The following SLCO5A1 variants were observed in gnomAD, a reference collection of about 807,000 sequenced individuals.
The protein encoded by SLCO5A1 is organic anion transporter polypeptide-related protein 4.
SLCO5A1 carries 39 observed loss-of-function variants against 65.1 expected under a neutral mutation model. That is an observed-to-expected ratio of 0.60 (90% CI 0.46 to 0.78). SLCO5A1 has a LOEUF of 0.78. SLCO5A1 is among the 30% of genes least tolerant of loss of function. The probability of loss-of-function intolerance (pLI) is 0.00; values close to 1 mark genes in which losing one functional copy is unlikely to be tolerated. For missense variants in SLCO5A1, 1,029 were observed against 1,069.4 expected (o/e 0.96, Z 0.53); for synonymous variants, 438 against 415.7 (o/e 1.05, Z -0.65).
intron 5 of SLCO5A1, among the ~76,000 whole-genome samples, chr8:69,715,164 C>T (rs1047834564): frequency 1.3e-5 from 2 of 152,188 alleles, no homozygotes; most frequent in Admixed American, 1.3e-4. Flanking sequence ...ATGCAAAAAT[C>T]ACAGTATTTA....
At chr8:69,753,888 C>A (rs936730755) in intron 4 of SLCO5A1, among the ~76,000 whole-genome samples, 9 of 150,694 alleles carry the variant, frequency 6.0e-5, no homozygotes, top group African/African-American at 2.2e-4. Flanking sequence ...CGTGGGCGGG[C>A]GCCTGTAATG....
At chr8:69,790,803 A>T (rs1381126020) in intron 2 of SLCO5A1, among the ~76,000 whole-genome samples, 1 of 152,226 alleles carries the variant, frequency 6.6e-6, no homozygotes, top group Non-Finnish European at 1.5e-5. Context: ...CAGCAGTCAC[A>T]TGGGATTGGT....
At chr8:69,725,329 T>A (rs2130830358) in intron 5 of SLCO5A1, among the ~76,000 whole-genome samples, 1 of 152,202 alleles carries the variant, frequency 6.6e-6, no homozygotes, top group South Asian at 2.1e-4. Flanking sequence ...CAGTAAGAAG[T>A]TTCTGGGTTC....
chr8:69,686,556 C>T (rs960734063), intron 6 of SLCO5A1, among the ~76,000 whole-genome samples: 2 of 152,200 alleles, frequency 1.3e-5, no homozygotes, highest in Non-Finnish European at 2.9e-5. Flanking sequence ...ATTCATTCCC[C>T]ATGAGAATTG....
At position 69,759,555 on chromosome 8, in the gene SLCO5A1, C is replaced by A. The variant is rs78687345; in HGVS notation, c.1040+2188G>T. On this transcript the variant is annotated intron_variant, in intron 3 of 9. Coordinates refer to ENST00000260126, the MANE Select transcript of SLCO5A1 (RefSeq NM_030958.3). Reference sequence around the variant, plus strand: ...AAACTGAGGCACAGAGTAACTTCCCCAAGCTCACATAGGTATTAGGTGGCA... The same window carrying A: ...AAACTGAGGCACAGAGTAACTTCCCAAAGCTCACATAGGTATTAGGTGGCA... Among the ~76,000 whole-genome samples the A allele has an allele frequency of 9.2e-5, 14 of 152,300 alleles. No homozygotes were observed. The East Asian group carries it at 1.3e-3, about 15-fold the overall frequency.
intron 6 of SLCO5A1, among the ~76,000 whole-genome samples, chr8:69,688,564 T>C (rs1019226218): frequency 2.7e-4 from 40 of 146,736 alleles, no homozygotes; most frequent in East Asian, 8.4e-4. Flanking sequence ...TCAATTCCCA[T>C]CTATGAGTGA....
chr8:69,763,097 G>T (rs1174638411), intron 2 of SLCO5A1, among the ~76,000 whole-genome samples: 2 of 152,188 alleles, frequency 1.3e-5, no homozygotes, highest in Admixed American at 1.3e-4. Flanking sequence ...ATCACCTGAG[G>T]TCAGGAATTT....
intron 5 of SLCO5A1, among the ~76,000 whole-genome samples, chr8:69,721,875 T>C (rs967007395): frequency 7.2e-5 from 11 of 152,216 alleles, no homozygotes; most frequent in Non-Finnish European, 1.2e-4. Flanking sequence ...GATTAAAAGA[T>C]GAAATGTATT....
intron 2 of SLCO5A1, among the ~76,000 whole-genome samples, chr8:69,802,420 C>T (rs1228513647): frequency 6.6e-6 from 1 of 151,578 alleles, no homozygotes; most frequent in East Asian, 1.9e-4. Flanking sequence ...GTGGGAGGAT[C>T]GCTTGAACCC....
chr8:69,780,678 G>A (rs889949050), intron 2 of SLCO5A1, among the ~76,000 whole-genome samples: 6 of 152,116 alleles, frequency 3.9e-5, no homozygotes, highest in African/African-American at 1.4e-4. Flanking sequence ...GATGATGAGC[G>A]ATTACTTAAT....
chr8:69,693,487 T>C (rs1043006562), intron 6 of SLCO5A1, among the ~76,000 whole-genome samples: 4 of 152,342 alleles, frequency 2.6e-5, no homozygotes, highest in Non-Finnish European at 5.9e-5. Context: ...TGAATGGAAC[T>C]GGCTTATATA....
Position 69,673,174 on chromosome 8 carries a change from C to G in SLCO5A1, c.2242G>C (p.Val748Leu). 2 of 1,614,174 alleles carry G rather than the reference C, an allele frequency of 1.2e-6. No individual in the cohort carries two copies. The highest frequency in any genetic ancestry group is 1.3e-5 in the African/African-American group (1 of 75,062). The part of the protein sequence containing the change: ...YFGLAAGLKF[V>L]GFIFIFLAWY... ...GCCAGAAAAATAAAAATAAACCCAA[C>G]GAATTTGAGGCCGGCAGCCAAACCA... The change falls in exon 10 of 10, where the codon GTT becomes CTT. Residue 748 changes from valine (V) to leucine (L), a missense_variant. Physicochemically the swap from Val to Leu is conservative, Grantham distance 32. Coordinates refer to ENST00000260126, the MANE Select transcript of SLCO5A1 (RefSeq NM_030958.3).
chr8:69,799,532 A>G (rs1272848435), intron 2 of SLCO5A1, among the ~76,000 whole-genome samples: 1 of 152,178 alleles, frequency 6.6e-6, no homozygotes, highest in African/African-American at 2.4e-5. Flanking sequence ...CTTGATTCCT[A>G]TAAAGGTTGT....
At chr8:69,766,541 ATG>A (rs1818066316) in intron 2 of SLCO5A1, among the ~76,000 whole-genome samples, 1 of 152,026 alleles carries the variant, frequency 6.6e-6, no homozygotes, top group Non-Finnish European at 1.5e-5. Flanking sequence ...GTGTGTGTGC[ATG>A]TGTGTGTTTT....
chr8:69,766,580 C>T (rs891344457), intron 2 of SLCO5A1, among the ~76,000 whole-genome samples: 9 of 152,086 alleles, frequency 5.9e-5, no homozygotes, highest in South Asian at 2.1e-4. Flanking sequence ...CATGGCCACA[C>T]GGTTCCTTCA....
At chr8:69,730,475 G>A (rs755792749) in intron 5 of SLCO5A1, among the ~76,000 whole-genome samples, 3 of 152,156 alleles carry the variant, frequency 2.0e-5, no homozygotes, top group African/African-American at 2.4e-5. Flanking sequence ...TTGTTTTCTA[G>A]ACTAGAAAAC....
At chr8:69,777,681 A>C (rs930007434) in intron 2 of SLCO5A1, among the ~76,000 whole-genome samples, 1 of 152,198 alleles carries the variant, frequency 6.6e-6, no homozygotes, top group Non-Finnish European at 1.5e-5. Flanking sequence ...GTGAAATTTC[A>C]TATTGTTCAG....
In SLCO5A1 at chr8:69,765,994, C is replaced by T. The variant is rs116641472; in HGVS notation, c.908-4119G>A. ...CTCTAGAAGTAAAAGGTTTTAAGCA[C>T]TTATCTTGAATGGAAGTGTTTTCTG... On this transcript the variant is annotated intron_variant, in intron 2 of 9. Transcript: ENST00000260126. Among the ~76,000 whole-genome samples the T allele has an allele frequency of 8.3e-3, 1,262 of 152,288 alleles. 16 individuals are homozygous for T. Among genetic ancestry groups the T allele is most frequent in the African/African-American group, 0.029 (1,206 of 41,554 alleles).
In SLCO5A1 at chr8:69,832,800, AG is replaced by A. The variant is rs1821232331; in HGVS notation, c.-128del. On this transcript the variant is annotated 5_prime_UTR_variant, in exon 2 of 10. It removes the in-frame stop codon of an upstream open reading frame in the 5' UTR. Coordinates refer to ENST00000260126, the MANE Select transcript of SLCO5A1 (RefSeq NM_030958.3). The surrounding 1 kb of genome is among the most constrained non-coding windows in gnomAD (Gnocchi z 4.5). Reference sequence around the variant, plus strand: ...CACCTGGGACTGGGGCTGGGGGCGCAGGGCCGCGCAGCAGGGCATCCTCACC... The same window carrying A: ...CACCTGGGACTGGGGCTGGGGGCGCAGGCCGCGCAGCAGGGCATCCTCACC... 11 of 1,109,680 alleles carry A rather than the reference AG, an allele frequency of 9.9e-6. No homozygotes were observed. In the East Asian group the frequency reaches 2.6e-4, roughly 26 times the overall value. 68.7% of individuals were successfully genotyped at this position (1,109,680 alleles called of 1,614,324 possible).
Sources: gnomAD v4.1 joint callset for allele counts (sites outside exome capture counted in the v4.1 genomes callset) on GRCh38, gnomAD v4.1.1 for gene constraint, Gnocchi (gnomAD v3.1) non-coding constraint, MANE v1.5 for transcripts, NCBI Gene and HGNC (gene_info 2026-07-23, HGNC 2026-07-21) for gene names.